DHX35: variants seen among roughly 807,000 people sequenced by gnomAD.
The protein encoded by DHX35 is probable ATP-dependent RNA helicase DHX35.
DHX35 carries 84 observed loss-of-function variants against 99.6 expected under a neutral mutation model. That is an observed-to-expected ratio of 0.84 (90% confidence interval 0.71 to 1.01). The LOEUF is 1.01. Ranked by LOEUF, DHX35 falls within the 50% of genes least tolerant of loss-of-function variation. The pLI, the probability that DHX35 is intolerant of heterozygous loss-of-function variation, is 0.00. For missense variants in DHX35, 852 were observed against 888.5 expected (o/e 0.96, Z 0.52); for synonymous variants, 331 against 316.2 (o/e 1.05, Z -0.50).
chr20:38,970,330 A>G (rs2085975605), intron 2 of DHX35, among the ~76,000 whole-genome samples: 1 of 152,222 alleles, frequency 6.6e-6, no homozygotes, highest in Non-Finnish European at 1.5e-5. Context: ...TTCTTAATTT[A>G]GCCAGATTGC....
intron 3 of DHX35, chr20:38,977,811 G>A: frequency 1.9e-6 from 1 of 537,230 alleles, no homozygotes; most frequent in Non-Finnish European, 3.6e-6. Context: ...TGATCTTGGT[G>A]TTGGTGGTAT....
intron 8 of DHX35, among the ~76,000 whole-genome samples, chr20:38,995,903 C>T (rs146481906): frequency 6.6e-5 from 10 of 152,240 alleles, no homozygotes; most frequent in Admixed American, 3.3e-4. Flanking sequence ...CATGGAGCTT[C>T]GAGTCTTATC....
intron 3 of DHX35, among the ~76,000 whole-genome samples, chr20:38,978,785 G>A (rs1038841608): frequency 1.3e-5 from 2 of 152,084 alleles, no homozygotes; most frequent in Admixed American, 6.5e-5. Flanking sequence ...GTCATGAAGT[G>A]TTTCCCTTCT....
intron 8 of DHX35, among the ~76,000 whole-genome samples, chr20:38,997,989 C>G (rs995936563): frequency 3.9e-5 from 6 of 152,190 alleles, no homozygotes; most frequent in Non-Finnish European, 7.3e-5. Flanking sequence ...CGTGGTTTCT[C>G]TCAGGGACTG....
rs2087196629 is a variant in DHX35, at chr20:39,038,682, T to C, written c.*139T>C. 2.5e-6 allele frequency: 2 copies of C among 790,722 alleles called. No individual in the cohort carries two copies. The highest frequency in any genetic ancestry group is 1.7e-5 in the African/African-American group (1 of 57,448). The allele number at this position is 790,722 out of a possible 1,614,324, so 49.0% of individuals were successfully genotyped here. A position where few individuals can be genotyped will look rare whatever the true frequency, so the allele number is the denominator to read the frequency against. ...CTGAAGTGGGCTGCGGCCTGTTCATTAGTCCTTTCTTCCCGCTGCCCACAG... is the reference window on the plus strand; with the variant it reads ...CTGAAGTGGGCTGCGGCCTGTTCATCAGTCCTTTCTTCCCGCTGCCCACAG... On this transcript the variant is annotated 3_prime_UTR_variant, in exon 22 of 22. Coordinates refer to ENST00000252011, the MANE Select transcript of DHX35 (RefSeq NM_021931.4).
In DHX35 at chr20:38,983,682, T is replaced by C; in HGVS notation, c.268-17T>C. The stretch of plus-strand genomic sequence containing the variant: ...AAGTGGTATCATATGTATACTTAGA[T>C]GTGATTTTGTTTGTAGTACCTTGCA... On this transcript the variant is annotated splice_polypyrimidine_tract_variant and intron_variant, in intron 3 of 21. Transcript: ENST00000252011. 1 of 1,612,400 alleles carries C rather than the reference T, an allele frequency of 6.2e-7. No individual in the cohort carries two copies. Among genetic ancestry groups the C allele is most frequent in the Non-Finnish European group, 8.5e-7 (1 of 1,178,554 alleles).
chr20:39,034,360 C>A, intron 21 of DHX35, 43 bp downstream of exon 21: 2 of 1,482,272 alleles, frequency 1.3e-6, no homozygotes, highest in Non-Finnish European at 1.9e-6. Flanking sequence ...CTGTTCACAG[C>A]CTCTCCATGT....
chr20:39,002,961 A>G, intron 10 of DHX35, 93 bp downstream of exon 10: 2 of 1,103,882 alleles, frequency 1.8e-6, no homozygotes, highest in Non-Finnish European at 2.6e-6. Flanking sequence ...CATGTATTTC[A>G]TGTTTTGTTG....
chr20:38,985,573 ATG>A (rs758739672), intron 4 of DHX35, among the ~76,000 whole-genome samples: 60 of 151,758 alleles, frequency 4.0e-4, no homozygotes, highest in East Asian at 1.4e-3. Context: ...TTTAGAAGTT[ATG>A]TGTGTGTGTG....
intron 1 of DHX35, 159 bp downstream of exon 1, chr20:38,962,566 C>G: frequency 2.3e-6 from 2 of 856,178 alleles, no homozygotes. Context: ...TCAGGCTCCC[C>G]AGTGGTCCCG....
chr20:39,012,690 C>T (rs185365420), intron 13 of DHX35, among the ~76,000 whole-genome samples: 33 of 152,200 alleles, frequency 2.2e-4, no homozygotes, highest in Admixed American at 1.2e-3. Flanking sequence ...CCACCATGCT[C>T]GGTTAATTTT....
At position 39,039,106 on chromosome 20, in the gene DHX35, C is replaced by T. The variant is rs1045949716; in HGVS notation, c.*563C>T. ...AAACCCAGTGGCTTCTGTCTGTCCT[C>T]AGCCCTTGTCCCTGTTTATCTGCAG... On this transcript the variant is annotated 3_prime_UTR_variant, in exon 22 of 22. Transcript: ENST00000252011. The T allele has an allele frequency of 6.5e-6, 1 of 153,610 alleles. No individual in the cohort carries two copies. Among genetic ancestry groups the T allele is most frequent in the Admixed American group, 6.5e-5 (1 of 15,422 alleles). The allele number at this position is 153,610 out of a possible 1,614,324, so 9.5% of individuals were successfully genotyped here.
chr20:39,003,258 A>G (rs1204241919), intron 10 of DHX35, among the ~76,000 whole-genome samples: 2 of 152,186 alleles, frequency 1.3e-5, no homozygotes, highest in East Asian at 3.8e-4. Context: ...AAGTGGCCAT[A>G]TTACTGGTAA....
chr20:38,979,891 G>A (rs1023648711), intron 3 of DHX35, among the ~76,000 whole-genome samples: 4 of 149,308 alleles, frequency 2.7e-5, no homozygotes, highest in Non-Finnish European at 5.9e-5. Context: ...ATGAACACAA[G>A]CTCTTCTTAA....
chr20:38,988,805 T>C lies in DHX35; in HGVS notation c.346-8T>C. On this transcript the variant is annotated splice_polypyrimidine_tract_variant and splice_region_variant and intron_variant, in intron 4 of 21. Transcript: ENST00000252011. Reference sequence around the variant, plus strand: ...TCTCTATTTTCAGCATGATCTTTCTTCCCAAAGGTTGCAGGGAGAGTAGCT... The same window carrying C: ...TCTCTATTTTCAGCATGATCTTTCTCCCCAAAGGTTGCAGGGAGAGTAGCT... 7 of 1,613,470 alleles carry C rather than the reference T, an allele frequency of 4.3e-6. No homozygotes were observed. Among genetic ancestry groups the C allele is most frequent in the Non-Finnish European group, 5.9e-6 (7 of 1,179,646 alleles).
At chr20:39,031,597 A>G (rs2087054066) in intron 20 of DHX35, among the ~76,000 whole-genome samples, 1 of 152,128 alleles carries the variant, frequency 6.6e-6, no homozygotes, top group African/African-American at 2.4e-5. Context: ...TCGGCCTCCC[A>G]AAGCTCTGGG....
intron 14 of DHX35, among the ~76,000 whole-genome samples, chr20:39,018,043 T>G: frequency 6.6e-6 from 1 of 152,176 alleles, no homozygotes. Flanking sequence ...GAACTCCCAT[T>G]TACAAAGCTA....
At chr20:38,992,604 CTGTGTGTGTGTGTGTG>C (rs10532229) in intron 7 of DHX35, among the ~76,000 whole-genome samples, 179 bp downstream of exon 7, 4 of 148,946 alleles carry the variant, frequency 2.7e-5, no homozygotes, top group African/African-American at 4.9e-5. Flanking sequence ...CTTCTCTTTT[CTGTGTGTGTGTGTGTG>C]TGTGTGAGTG....
intron 8 of DHX35, among the ~76,000 whole-genome samples, chr20:39,000,300 G>A (rs543157870): frequency 6.6e-6 from 1 of 152,278 alleles, no homozygotes; most frequent in South Asian, 2.1e-4. Context: ...CTGCCTCAGG[G>A]ATTATTTTAT....
Sources: allele counts gnomAD v4.1 joint callset (sites outside exome capture counted in the v4.1 genomes callset), GRCh38; gene constraint gnomAD v4.1.1; transcripts MANE v1.5; gene names NCBI Gene and HGNC (gene_info 2026-07-23, HGNC 2026-07-21).